The following TMEM131 variants were observed in gnomAD, a reference collection of about 807,000 sequenced individuals.
TMEM131 encodes the protein transmembrane protein 131, also known as 2610524E03Rik.
In TMEM131, 66 loss-of-function variants were observed where a neutral mutation model predicts 211.6. That is an observed-to-expected ratio of 0.31 (90% confidence interval 0.26 to 0.38). TMEM131 has a LOEUF of 0.38. TMEM131 is among the 10% of genes least tolerant of loss of function. The probability of loss-of-function intolerance (pLI) is 1.00; values close to 1 mark genes in which losing one functional copy is unlikely to be tolerated. For missense variants in TMEM131, 2,036 were observed against 2,299.3 expected (o/e 0.89, Z 2.34); for synonymous variants, 844 against 841.3 (o/e 1.00, Z -0.06).
chr2:97,930,188 G>A (rs1161181471), intron 1 of TMEM131, among the ~76,000 whole-genome samples: 3 of 151,698 alleles, frequency 2.0e-5, no homozygotes, highest in African/African-American at 7.3e-5. Context: ...TAAAGTCAAG[G>A]CCTCTAATTA....
intron 35 of TMEM131, chr2:97,762,451 T>C: frequency 2.8e-6 from 1 of 359,154 alleles, no homozygotes; most frequent in Non-Finnish European, 5.1e-6. Flanking sequence ...AGTCAATGTC[T>C]TCACTTCTCC....
intron 11 of TMEM131, among the ~76,000 whole-genome samples, chr2:97,828,189 A>C (rs1251509867): frequency 5.9e-5 from 9 of 152,204 alleles, no homozygotes; most frequent in Non-Finnish European, 1.3e-4. Flanking sequence ...TAGCCTCTTA[A>C]GGAAAATTTG....
intron 1 of TMEM131, among the ~76,000 whole-genome samples, chr2:97,942,719 T>TC (rs1677798154): frequency 6.6e-6 from 1 of 151,936 alleles, no homozygotes; most frequent in African/African-American, 2.4e-5. Flanking sequence ...CATCAAAGTT[T>TC]CCCCGCAAAG....
At chr2:97,840,137 C>A (rs1304883860) in intron 7 of TMEM131, among the ~76,000 whole-genome samples, 3 of 152,170 alleles carry the variant, frequency 2.0e-5, no homozygotes, top group Non-Finnish European at 4.4e-5. Context: ...AAGAGAGTAA[C>A]TTTGGTGTTC....
At position 97,772,158 on chromosome 2, in the gene TMEM131, TGTGAC is replaced by T. The variant is rs1573334252; in HGVS notation, c.4448+134_4448+138del. 4 of 935,932 alleles carry T rather than the reference TGTGAC, an allele frequency of 4.3e-6. No homozygotes were observed. In the East Asian group the frequency reaches 9.9e-5, roughly 23 times the overall value. The allele number at this position is 935,932 out of a possible 1,614,324, so 58.0% of individuals were successfully genotyped here. ...GGTGACAGAAAAATCCCAAGAGGAA[TGTGAC>T]GTAGCACCTGGATTTTGCTATCAAC... On this transcript the variant is annotated intron_variant, in intron 33 of 40. Coordinates refer to ENST00000186436, the MANE Select transcript of TMEM131 (RefSeq NM_015348.2).
intron 4 of TMEM131, among the ~76,000 whole-genome samples, chr2:97,875,386 A>T (rs111548629): frequency 0.041 from 6,260 of 152,090 alleles, 229 homozygotes; most frequent in African/African-American, 0.096. Flanking sequence ...CATCTACAGA[A>T]CTCTCCACCC....
At chr2:97,945,387 C>T (rs757252145) in intron 1 of TMEM131, among the ~76,000 whole-genome samples, 1 of 152,058 alleles carries the variant, frequency 6.6e-6, no homozygotes, top group Non-Finnish European at 1.5e-5. Context: ...GATGGTTGTA[C>T]AAGTCTATGA....
intron 2 of TMEM131, among the ~76,000 whole-genome samples, chr2:97,910,199 C>T (rs982172054): frequency 6.8e-6 from 1 of 148,090 alleles, no homozygotes; most frequent in Non-Finnish European, 1.5e-5. Flanking sequence ...GTTTGGATGA[C>T]TACTATTTAA....
chr2:97,800,628 C>A (rs979624440), intron 25 of TMEM131, among the ~76,000 whole-genome samples: 1 of 146,470 alleles, frequency 6.8e-6, no homozygotes, highest in African/African-American at 2.6e-5. Flanking sequence ...TGTGGTGGCA[C>A]GTGCCTGTAA....
chr2:97,883,837 T>C (rs1032431161), intron 4 of TMEM131, among the ~76,000 whole-genome samples: 6 of 152,188 alleles, frequency 3.9e-5, no homozygotes, highest in Non-Finnish European at 7.4e-5. Flanking sequence ...AAATGGTATA[T>C]TGAGATAATA....
chr2:97,872,661 C>T (rs1192276486), intron 4 of TMEM131, among the ~76,000 whole-genome samples: 1 of 152,204 alleles, frequency 6.6e-6, no homozygotes, highest in East Asian at 1.9e-4. Flanking sequence ...ATTTTCTCTT[C>T]TACCCAAAGG....
chr2:97,808,317 T>C (rs1040426403), intron 19 of TMEM131, among the ~76,000 whole-genome samples: 3 of 152,194 alleles, frequency 2.0e-5, no homozygotes, highest in Non-Finnish European at 4.4e-5. Context: ...CATTAAGATT[T>C]TGCAATGTCT....
intron 33 of TMEM131, among the ~76,000 whole-genome samples, chr2:97,770,959 AGAATC>A (rs1433201038): frequency 5.3e-5 from 8 of 152,226 alleles, no homozygotes; most frequent in Non-Finnish European, 1.2e-4. Context: ...GCCAAGAAGA[AGAATC>A]TCTAGCTAGT....
At chr2:97,819,646 T>A (rs931923548) in intron 11 of TMEM131, among the ~76,000 whole-genome samples, 1 of 152,196 alleles carries the variant, frequency 6.6e-6, no homozygotes, top group African/African-American at 2.4e-5. Context: ...TAATCTTCCT[T>A]TATGATTACT....
intron 2 of TMEM131, chr2:97,911,610 C>T (rs552773107): frequency 2.0e-5 from 20 of 984,816 alleles, no homozygotes; most frequent in South Asian, 4.7e-5. Flanking sequence ...ATTACTCATA[C>T]GAAGACTCAC....
rs548921781 is a variant in TMEM131 at position 97,870,501 on chromosome 2, C to T, written c.360-11074G>A. Among the ~76,000 whole-genome samples, 3 of 152,214 alleles carry T rather than the reference C, an allele frequency of 2.0e-5. No homozygotes were observed. The South Asian group carries it at 6.2e-4, about 32-fold the overall frequency. ...AAACCAAGCTGAAGCAGGCATACAGCTGTTCTCTGTGCTGCTGCAGCAGAA... is the reference window on the plus strand; with the variant it reads ...AAACCAAGCTGAAGCAGGCATACAGTTGTTCTCTGTGCTGCTGCAGCAGAA... On this transcript the variant is annotated intron_variant, in intron 4 of 40. Transcript: ENST00000186436.
intron 3 of TMEM131, among the ~76,000 whole-genome samples, chr2:97,892,046 A>G (rs1675396804): frequency 6.6e-6 from 1 of 152,140 alleles, no homozygotes; most frequent in African/African-American, 2.4e-5. Context: ...CCAGCTAAAT[A>G]AACAGTGATT....
intron 1 of TMEM131, among the ~76,000 whole-genome samples, chr2:97,938,728 CT>C (rs1214923304): frequency 6.6e-6 from 1 of 152,180 alleles, no homozygotes; most frequent in Non-Finnish European, 1.5e-5. Flanking sequence ...AATATATGTT[CT>C]TCTCAGCACC....
chr2:97,786,928 C>A (rs1316444851), intron 31 of TMEM131, among the ~76,000 whole-genome samples: 2 of 152,224 alleles, frequency 1.3e-5, no homozygotes, highest in Non-Finnish European at 2.9e-5. Flanking sequence ...CCTATGCCCC[C>A]TTTTCCTTCA....
Sources: allele counts gnomAD v4.1 joint callset (sites outside exome capture counted in the v4.1 genomes callset), GRCh38; gene constraint gnomAD v4.1.1; transcripts MANE v1.5; gene names NCBI Gene and HGNC (gene_info 2026-07-23, HGNC 2026-07-21).